Variants in ANKRD11 observed in about 807,000 individuals in gnomAD.
ANKRD11 encodes the protein ankyrin repeat domain 11, also known as ankyrin repeat domain-containing protein 11.
In ANKRD11, 17 loss-of-function variants were observed where a neutral mutation model predicts 195.7. The observed-to-expected ratio is 0.09, with a 90% CI of 0.06 to 0.13. The LOEUF (loss-of-function observed/expected upper bound fraction) is 0.13, where lower values mean the gene tolerates loss of function less well. Ranked by LOEUF, ANKRD11 falls within the 10% of genes least tolerant of loss-of-function variation. The probability of loss-of-function intolerance (pLI) is 1.00; values close to 1 mark genes in which losing one functional copy is unlikely to be tolerated. For synonymous variants in ANKRD11, 1,953 were observed against 1,528.1 expected, an observed-to-expected ratio of 1.28 and a Z score of -6.49; for missense variants, 3,735 against 3,566.1, an observed-to-expected ratio of 1.05 and a Z score of -1.21.
chr16:89,410,536 T>C lies in ANKRD11; in HGVS notation c.-60+7748A>G, dbSNP rs1040403171. Among the ~76,000 whole-genome samples, 9 of 152,238 alleles carry C rather than the reference T, an allele frequency of 5.9e-5. 1 individual carries two copies. In the East Asian group the frequency reaches 1.2e-3, roughly 20 times the overall value. ...GGAAGGGAAACACCTGCCCCCGGGCTACAAAGGCCACCCTCTGCCCTCTGC... is the reference window on the plus strand; with the variant it reads ...GGAAGGGAAACACCTGCCCCCGGGCCACAAAGGCCACCCTCTGCCCTCTGC... On this transcript the variant is annotated intron_variant, in intron 2 of 12. Transcript: ENST00000301030.
At chr16:89,300,559 C>T (rs145770894) in intron 4 of ANKRD11, 14 of 305,610 alleles carry the variant, frequency 4.6e-5, no homozygotes, top group Admixed American at 3.7e-4. Flanking sequence ...ACACACTTGT[C>T]GCCTCTAGCA....
chr16:89,482,314 T>C (rs751358907), intron 1 of ANKRD11, among the ~76,000 whole-genome samples: 14 of 152,280 alleles, frequency 9.2e-5, no homozygotes, highest in Middle Eastern at 3.4e-3. Context: ...TGCCAATGTG[T>C]GAACGGTCAG....
At chr16:89,272,650 A>T (rs1217192844) in intron 11 of ANKRD11, 1 of 152,244 alleles carries the variant, frequency 6.6e-6, no homozygotes, top group Non-Finnish European at 1.5e-5. Context: ...AGCCTGGGTG[A>T]CAGAGGAAGA....
chr16:89,271,772 G>C (rs1465589940), intron 11 of ANKRD11: 1 of 152,164 alleles, frequency 6.6e-6, no homozygotes, highest in Admixed American at 6.6e-5. Flanking sequence ...TGGAATCCAA[G>C]ACCTTAAACG....
Position 89,490,500 on chromosome 16 carries a change from G to C in ANKRD11, c.-400C>G. ...TGATGGGGCGTCTGGCCGCGGGCTC[G>C]GCGGCGGCGCCTCCCCGGCTGGGGC... On this transcript the variant is annotated 5_prime_UTR_variant, in exon 1 of 13. Transcript: ENST00000301030. 1 of 464,718 alleles carries C rather than the reference G, an allele frequency of 2.2e-6. No individual in the cohort carries two copies. The highest frequency in any genetic ancestry group is 2.0e-5 in the African/African-American group (1 of 49,144). The allele number at this position is 464,718 out of a possible 1,614,324, so 28.8% of individuals were successfully genotyped here.
Position 89,284,404 on chromosome 16 carries a change from TTAAA to T in ANKRD11, c.2134_2137del (p.Phe712LysfsTer6). On this transcript the variant is annotated frameshift_variant, in exon 9 of 13. Transcript: ENST00000301030. LOFTEE classifies it high-confidence loss of function. ...GATTCTCTTCAGTGATTTTTCATCT[TTAAA>T]GAGCCATTCTTTTTCTTCTAATTTC... 6.2e-7 allele frequency: 1 copy of T among 1,613,798 alleles called. No individual in the cohort carries two copies. Among genetic ancestry groups the T allele is most frequent in the East Asian group, 2.2e-5 (1 of 44,886 alleles).
At chr16:89,364,659 C>G (rs1045642208) in intron 2 of ANKRD11, among the ~76,000 whole-genome samples, 1 of 152,190 alleles carries the variant, frequency 6.6e-6, no homozygotes, top group African/African-American at 2.4e-5. Context: ...AGCTGATAAG[C>G]TTAGAAAAAA....
At chr16:89,278,829 G>A (rs1042263847) in intron 9 of ANKRD11, 3 of 694,928 alleles carry the variant, frequency 4.3e-6, no homozygotes, top group African/African-American at 1.8e-5. Context: ...TGAGGGGGAG[G>A]TCAGGAGACC....
intron 2 of ANKRD11, among the ~76,000 whole-genome samples, chr16:89,409,990 C>T (rs1002548970): frequency 6.6e-6 from 1 of 152,138 alleles, no homozygotes; most frequent in Non-Finnish European, 1.5e-5. Flanking sequence ...CAGGCGCCCG[C>T]CACCACGCCC....
In ANKRD11 at chr16:89,464,399, G is replaced by A. The variant is rs150739624; in HGVS notation, c.-145+25846C>T. 1.0e-2 allele frequency among the ~76,000 whole-genome samples: 1,514 copies of A among 152,086 alleles called. 13 individuals carry two copies. Among genetic ancestry groups the A allele is most frequent in the Non-Finnish European group, 0.016 (1,060 of 67,976 alleles). On this transcript the variant is annotated intron_variant, in intron 1 of 12. Transcript: ENST00000301030. ...CGAGGCAGGCAGATCACGAGGTCAG[G>A]AGTTCAAGACCAGCCAGGCCAACAT...
At chr16:89,328,522 G>T (rs922493702) in intron 2 of ANKRD11, among the ~76,000 whole-genome samples, 1 of 152,238 alleles carries the variant, frequency 6.6e-6, no homozygotes, top group Admixed American at 6.5e-5. Context: ...GGATGGCTAT[G>T]GATACACCCA....
At chr16:89,336,646 A>AC (rs1354560090) in intron 2 of ANKRD11, among the ~76,000 whole-genome samples, 2 of 152,112 alleles carry the variant, frequency 1.3e-5, no homozygotes, top group South Asian at 2.1e-4. Context: ...TGGGCACCAC[A>AC]CCCCCCGGGT....
chr16:89,305,900 G>A (rs1364349449), intron 3 of ANKRD11, among the ~76,000 whole-genome samples: 1 of 12,620 alleles, frequency 7.9e-5, no homozygotes. Flanking sequence ...GCAGACACGT[G>A]CCACCCACCT....
chr16:89,402,265 C>T (rs986008711), intron 2 of ANKRD11, among the ~76,000 whole-genome samples: 15 of 152,140 alleles, frequency 9.9e-5, no homozygotes, highest in African/African-American at 3.6e-4. Context: ...ACGTGACGTA[C>T]GCCAGTTCTT....
chr16:89,366,260 T>G (rs919782594), intron 2 of ANKRD11, among the ~76,000 whole-genome samples: 2 of 152,168 alleles, frequency 1.3e-5, no homozygotes, highest in Non-Finnish European at 2.9e-5. Flanking sequence ...ATTCCATGTC[T>G]TCTTCTGTGA....
At position 89,428,678 on chromosome 16, in the gene ANKRD11, G is replaced by A. The variant is rs569034008; in HGVS notation, c.-144-10310C>T. Among the ~76,000 whole-genome samples the A allele has an allele frequency of 6.9e-4, 104 of 151,470 alleles. 3 individuals are homozygous for A. Among genetic ancestry groups the A allele is most frequent in the Admixed American group, 5.9e-3 (90 of 15,216 alleles). ...TGGGAGGCCGAAGTGGATGGATCAC[G>A]AAGTCAGGAGTTCGAGACCAGCCTG... On this transcript the variant is annotated intron_variant, in intron 1 of 12. Transcript: ENST00000301030.
intron 11 of ANKRD11, 157 bp from the exon 12 acceptor site, chr16:89,271,066 G>C (rs2033108716): frequency 2.8e-6 from 2 of 718,980 alleles, no homozygotes; most frequent in East Asian, 2.7e-5. Flanking sequence ...TCAAGGCATG[G>C]CAGGCGCACC....
chr16:89,359,692 C>A (rs1748321141), intron 2 of ANKRD11, among the ~76,000 whole-genome samples: 1 of 152,306 alleles, frequency 6.6e-6, no homozygotes, highest in Admixed American at 6.5e-5. Context: ...GAAGCAGGAA[C>A]TGGGTAACTG....
chr16:89,288,699 A>C (rs962171186), intron 6 of ANKRD11, 29 bp from the exon 7 acceptor site: 2 of 1,613,600 alleles, frequency 1.2e-6, no homozygotes, highest in Admixed American at 1.7e-5. Flanking sequence ...GACGTACGTT[A>C]TTTAATCCTC....
Sources: allele counts gnomAD v4.1 joint callset (sites outside exome capture counted in the v4.1 genomes callset), GRCh38; gene constraint gnomAD v4.1.1; transcripts MANE v1.5; gene names NCBI Gene and HGNC (gene_info 2026-07-23, HGNC 2026-07-21).